Variants in IL12RB2 observed in about 807,000 individuals in gnomAD.
IL12RB2 encodes interleukin 12 receptor subunit beta 2.
A neutral mutation model predicts 89.4 loss-of-function variants in IL12RB2; 82 were observed. That is an observed-to-expected ratio of 0.92 (90% CI 0.77 to 1.10). The LOEUF is 1.10. Ranked by LOEUF, IL12RB2 falls within the 50% of genes least tolerant of loss-of-function variation. The pLI, the probability that IL12RB2 is intolerant of heterozygous loss-of-function variation, is 0.00. For synonymous variants in IL12RB2, 368 were observed against 370.1 expected (o/e 0.99, Z 0.07); for missense variants, 963 against 1,031.9 (o/e 0.93, Z 0.92).
At chr1:67,317,878 A>G (rs987108945) in intron 2 of IL12RB2, among the ~76,000 whole-genome samples, 1 of 152,208 alleles carries the variant, frequency 6.6e-6, no homozygotes, top group African/African-American at 2.4e-5. Context: ...TAGAAGACAG[A>G]TGACAAACAA....
chr1:67,338,336 C>CAA (rs572505092), intron 8 of IL12RB2, among the ~76,000 whole-genome samples: 660 of 40,078 alleles, frequency 0.016, 170 homozygotes, highest in Non-Finnish European at 0.03. Flanking sequence ...GATCCTGTCT[C>CAA]AAAAAAAAAA....
chr1:67,359,060 G>C (rs1333259408), intron 10 of IL12RB2, among the ~76,000 whole-genome samples: 1 of 152,142 alleles, frequency 6.6e-6, no homozygotes, highest in African/African-American at 2.4e-5. Context: ...AAAATGGCTT[G>C]AGCCCAGGAG....
intron 10 of IL12RB2, among the ~76,000 whole-genome samples, 157 bp downstream of exon 10, chr1:67,351,246 G>A (rs1660806786): frequency 6.6e-6 from 1 of 151,864 alleles, no homozygotes; most frequent in Non-Finnish European, 1.5e-5. Context: ...TTTCCAATCA[G>A]CCTATGAGTA....
intron 14 of IL12RB2, 47 bp downstream of exon 14, chr1:67,380,170 C>G (rs1295269784): frequency 6.3e-7 from 1 of 1,581,212 alleles, no homozygotes; most frequent in Admixed American, 1.7e-5. Context: ...GATTCTTGCA[C>G]AGGCATGCAC....
intron 10 of IL12RB2, among the ~76,000 whole-genome samples, chr1:67,356,694 A>G (rs3790567): frequency 0.62 from 94,075 of 151,972 alleles, 32,898 homozygotes; most frequent in South Asian, 0.78. Flanking sequence ...TCTACCCTAA[A>G]CATACATGGA....
At chr1:67,341,912 C>A (rs1192625580) in intron 9 of IL12RB2, among the ~76,000 whole-genome samples, 1 of 152,184 alleles carries the variant, frequency 6.6e-6, no homozygotes, top group Non-Finnish European at 1.5e-5. Flanking sequence ...ATTTAACTGT[C>A]ATGTAGTCTC....
chr1:67,326,635 G>C, intron 4 of IL12RB2, 100 bp from the exon 5 acceptor site: 5 of 1,518,618 alleles, frequency 3.3e-6, no homozygotes, highest in Non-Finnish European at 4.4e-6. Flanking sequence ...CTGGGTTTAC[G>C]GCATGTGGGG....
At chr1:67,364,490 T>C (rs2172961) in intron 10 of IL12RB2, among the ~76,000 whole-genome samples, 1 of 151,758 alleles carries the variant, frequency 6.6e-6, no homozygotes, top group Non-Finnish European at 1.5e-5. Context: ...GAAGCTGGAG[T>C]AGCTGTATTA....
chr1:67,339,983 T>G (rs1040171813), intron 9 of IL12RB2, among the ~76,000 whole-genome samples: 4 of 152,202 alleles, frequency 2.6e-5, no homozygotes, highest in Non-Finnish European at 4.4e-5. Flanking sequence ...CTCTTCCAGT[T>G]GAGGATAGAA....
intron 10 of IL12RB2, among the ~76,000 whole-genome samples, chr1:67,355,355 A>G (rs1031947992): frequency 3.3e-5 from 5 of 149,952 alleles, no homozygotes; most frequent in African/African-American, 1.2e-4. Flanking sequence ...TGAAGATTGC[A>G]GTGAGCCAAG....
rs12047306 is a variant in IL12RB2 at position 67,379,232 on chromosome 1, C to T, written c.1718-754C>T. 1.9e-4 allele frequency among the ~76,000 whole-genome samples: 29 copies of T among 150,220 alleles called. No homozygotes were observed. The East Asian group carries it at 3.5e-3, about 18-fold the overall frequency. ...CAAAATACAAAATTTCATAACTGGC[C>T]GGACGCAGTGACTCACACTTGTAAT... On this transcript the variant is annotated intron_variant, in intron 13 of 16. Transcript: ENST00000674203.
At chr1:67,320,470 G>T (rs778836349) in intron 3 of IL12RB2, 26 bp downstream of exon 3, 6 of 1,612,998 alleles carry the variant, frequency 3.7e-6, no homozygotes, top group Middle Eastern at 1.7e-4. Flanking sequence ...AAGTTACTCT[G>T]TGGAAGAATT....
At chr1:67,314,549 A>G (rs1487277171) in intron 2 of IL12RB2, among the ~76,000 whole-genome samples, 2 of 152,184 alleles carry the variant, frequency 1.3e-5, no homozygotes, top group Non-Finnish European at 2.9e-5. Context: ...ACTGAGATTC[A>G]TTCACCTTTT....
At chr1:67,387,492 G>GGAGATGGA (rs1361334126) in intron 15 of IL12RB2, among the ~76,000 whole-genome samples, 1 of 150,204 alleles carries the variant, frequency 6.7e-6, no homozygotes, top group East Asian at 2.0e-4. Context: ...CACCAGGTCA[G>GGAGATGGA]GAGATGGAGA....
At chr1:67,358,563 T>A (rs1661647506) in intron 10 of IL12RB2, among the ~76,000 whole-genome samples, 1 of 146,872 alleles carries the variant, frequency 6.8e-6, no homozygotes, top group Non-Finnish European at 1.5e-5. Context: ...GCAACAAGAG[T>A]GAAACTCCAT....
At chr1:67,331,870 C>A (rs1658130492) in intron 8 of IL12RB2, among the ~76,000 whole-genome samples, 1 of 152,036 alleles carries the variant, frequency 6.6e-6, no homozygotes, top group Admixed American at 6.6e-5. Context: ...TAAATGCACT[C>A]ATTTAGTGAT....
intron 14 of IL12RB2, among the ~76,000 whole-genome samples, chr1:67,380,809 G>T (rs1664490266): frequency 6.6e-6 from 1 of 152,072 alleles, no homozygotes; most frequent in African/African-American, 2.4e-5. Context: ...TGGCTTGTAG[G>T]TCTCTGCTTT....
chr1:67,345,043 C>T (rs762910804), intron 9 of IL12RB2, among the ~76,000 whole-genome samples: 11 of 152,084 alleles, frequency 7.2e-5, no homozygotes, highest in Admixed American at 3.3e-4. Context: ...TGGTGGCATA[C>T]GGCTGTAATT....
At chr1:67,348,884 C>T (rs1431262296) in intron 9 of IL12RB2, among the ~76,000 whole-genome samples, 2 of 152,136 alleles carry the variant, frequency 1.3e-5, no homozygotes, top group East Asian at 3.8e-4. Context: ...TTATATCAGC[C>T]TAACCCATGG....
Sources: allele counts gnomAD v4.1 joint callset (sites outside exome capture counted in the v4.1 genomes callset), GRCh38; gene constraint gnomAD v4.1.1; transcripts MANE v1.5; gene names NCBI Gene and HGNC (gene_info 2026-07-23, HGNC 2026-07-21).